Variants in RNF19A observed in about 807,000 individuals in gnomAD.
RNF19A encodes the protein E3 ubiquitin-protein ligase RNF19A.
A neutral mutation model predicts 75.7 loss-of-function variants in RNF19A; 32 were observed. The ratio of observed to expected loss-of-function variants is 0.42; its 90% CI spans 0.32 to 0.57. The LOEUF is 0.57. Ranked by LOEUF, RNF19A falls within the 20% of genes least tolerant of loss-of-function variation. The pLI is 0.10. For synonymous variants in RNF19A, 335 were observed against 345.2 expected (o/e 0.97, Z 0.33); for missense variants, 782 against 1,036.3 (o/e 0.75, Z 3.37).
chr8:100,259,971 T>G lies in RNF19A; in HGVS notation c.1709A>C (p.Lys570Thr). Reference protein sequence around the residue: ...NRLEVQADVQKERYSLSGESG... With the variant: ...NRLEVQADVQTERYSLSGESG... ...TTCTCCACTTAGACTGTACCGTTCT[T>G]TCTGTACATCTGCTTGTACTTCCAA... is the stretch of plus-strand genomic sequence containing the variant. Residue 570 changes from lysine (K) to threonine (T), a missense_variant, in exon 9 of 10, where the codon AAA becomes ACA. Coordinates refer to ENST00000341084, the MANE Select transcript of RNF19A (RefSeq NM_183419.4). This position sits in a 1 kb window ranked among gnomAD's most constrained non-coding sequence, Gnocchi z 4.5. 6.2e-7 allele frequency: 1 copy of G among 1,613,880 alleles called. No homozygotes were observed. Among genetic ancestry groups the G allele is most frequent in the Non-Finnish European group, 8.5e-7 (1 of 1,179,848 alleles).
Position 100,284,700 on chromosome 8 carries a change from T to G in RNF19A, c.674+2801A>C, listed in dbSNP as rs1820935790. On this transcript the variant is annotated intron_variant, in intron 2 of 9. Coordinates refer to ENST00000341084, the MANE Select transcript of RNF19A (RefSeq NM_183419.4). This position sits in a 1 kb window ranked among gnomAD's most constrained non-coding sequence, Gnocchi z 4.3. Reference sequence around the variant, plus strand: ...GCCATTTTACTTTTTAACAATGAAGTCTCAATGAGAAGAAAATGTGCCAAA... The same window carrying G: ...GCCATTTTACTTTTTAACAATGAAGGCTCAATGAGAAGAAAATGTGCCAAA... Among the ~76,000 whole-genome samples, 2 of 152,092 alleles carry G rather than the reference T, an allele frequency of 1.3e-5. No individual in the cohort carries two copies. The highest frequency in any genetic ancestry group is 1.5e-5 in the Non-Finnish European group (1 of 67,952).
Position 100,288,153 on chromosome 8 carries a change from A to C in RNF19A, c.22T>G (p.Phe8Val), listed in dbSNP as rs1821120091. The stretch of plus-strand genomic sequence containing the variant: ...AGCCCTTCATTATATTTAGAGATAA[A>C]ACCTATTTCTTGTTCTTGCATTCAC... MQEQEIGFISKYNEGLCV... is the reference protein window; with the variant it reads MQEQEIGVISKYNEGLCV... Residue 8 changes from phenylalanine (F) to valine (V), a missense_variant, in exon 2 of 10, where the codon TTT (phenylalanine) becomes GTT (valine). Coordinates refer to ENST00000341084, the MANE Select transcript of RNF19A (RefSeq NM_183419.4). 6.2e-7 allele frequency: 1 copy of C among 1,605,204 alleles called. No homozygotes were observed. The highest frequency in any genetic ancestry group is 1.3e-5 in the African/African-American group (1 of 74,598).
rs1482223423 is a variant in RNF19A at position 100,324,620 on chromosome 8, A to G, written c.-242-11248T>C. Among the ~76,000 whole-genome samples, 2 of 152,324 alleles carry G rather than the reference A, an allele frequency of 1.3e-5. No individual in the cohort carries two copies. Among genetic ancestry groups the G allele is most frequent in the African/African-American group, 4.8e-5 (2 of 41,582 alleles). On this transcript the variant is annotated intron_variant, in intron 1 of 3. Transcript: ENST00000519527. The surrounding 1 kb of genome is among the most constrained non-coding windows in gnomAD (Gnocchi z 4.2). ...GTTTTCTTTTAATTAGGCTTCTAACATACATTTGCATTGATTTTTCACAAA... is the reference window on the plus strand; with the variant it reads ...GTTTTCTTTTAATTAGGCTTCTAACGTACATTTGCATTGATTTTTCACAAA...
chr8:100,269,303 T>C lies in RNF19A; in HGVS notation c.1029-356A>G, dbSNP rs1024839917. On this transcript the variant is annotated intron_variant, in intron 4 of 9. Transcript: ENST00000341084. The surrounding 1 kb of genome is among the most constrained non-coding windows in gnomAD (Gnocchi z 5.7). Reference sequence around the variant, plus strand: ...CATGCATATTTTTAGGCATCAATTATCTGATTATATCACAAACTCACTCTG... The same window carrying C: ...CATGCATATTTTTAGGCATCAATTACCTGATTATATCACAAACTCACTCTG... Among the ~76,000 whole-genome samples, 1 of 152,068 alleles carries C rather than the reference T, an allele frequency of 6.6e-6. No individual in the cohort carries two copies. The highest frequency in any genetic ancestry group is 2.4e-5 in the African/African-American group (1 of 41,448).
chr8:100,265,062 G>A (rs999116068), intron 5 of RNF19A, among the ~76,000 whole-genome samples: 2 of 152,146 alleles, frequency 1.3e-5, no homozygotes, highest in Non-Finnish European at 2.9e-5. Context: ...ATCAAAAGTA[G>A]TGTAATTATG....
intron 1 of RNF19A, among the ~76,000 whole-genome samples, chr8:100,294,824 C>G (rs1368941593): frequency 6.6e-6 from 1 of 152,138 alleles, no homozygotes; most frequent in Admixed American, 6.5e-5. Context: ...AATATAACTG[C>G]TTACTAGACT....
intron 1 of RNF19A, among the ~76,000 whole-genome samples, chr8:100,290,228 C>T (rs1821226079): frequency 6.6e-6 from 1 of 152,108 alleles, no homozygotes; most frequent in Admixed American, 6.5e-5. Context: ...AATTCTCCTG[C>T]CTCAGCTGGG....
intron 1 of RNF19A, 69 bp from the exon 2 acceptor site, chr8:100,288,336 A>G: frequency 9.4e-7 from 1 of 1,064,768 alleles, no homozygotes; most frequent in East Asian, 3.0e-5. Flanking sequence ...TTTTATAAAT[A>G]TGAAATTTCA....
chr8:100,259,295 G>A lies in RNF19A; in HGVS notation c.1827-49C>T. 1 of 1,463,134 alleles carries A rather than the reference G, an allele frequency of 6.8e-7. No individual in the cohort carries two copies. Among genetic ancestry groups the A allele is most frequent in the Non-Finnish European group, 9.3e-7 (1 of 1,073,932 alleles). The allele number at this position is 1,463,134 out of a possible 1,614,324, so 90.6% of individuals were successfully genotyped here. On this transcript the variant is annotated intron_variant, in intron 9 of 9. Coordinates refer to ENST00000341084, the MANE Select transcript of RNF19A (RefSeq NM_183419.4). This position sits in a 1 kb window ranked among gnomAD's most constrained non-coding sequence, Gnocchi z 4.5. Reference sequence around the variant, plus strand: ...CAAACATAATTGCTGACTTCTTTTTGTTCAGATGACTGGGGGAAGGGTTTC... The same window carrying A: ...CAAACATAATTGCTGACTTCTTTTTATTCAGATGACTGGGGGAAGGGTTTC...
upstream of RNF19A, among the ~76,000 whole-genome samples, chr8:100,312,741 T>C (rs1822319975): frequency 1.3e-5 from 2 of 151,796 alleles, no homozygotes; most frequent in African/African-American, 4.8e-5. Flanking sequence ...CGGGACAACA[T>C]GATGAAACCT....
chr8:100,278,307 G>T (rs913687342), intron 2 of RNF19A, among the ~76,000 whole-genome samples: 5 of 151,994 alleles, frequency 3.3e-5, no homozygotes, highest in African/African-American at 1.2e-4. Context: ...TTCTACATAA[G>T]TAATATAAAT....
intron 1 of RNF19A, among the ~76,000 whole-genome samples, chr8:100,327,968 C>T (rs1173891439): frequency 6.6e-6 from 1 of 152,164 alleles, no homozygotes; most frequent in Non-Finnish European, 1.5e-5. Flanking sequence ...TCCTAGAAAA[C>T]AGGTAGGCTC....
At chr8:100,313,861 T>C (rs545118637), upstream of RNF19A, among the ~76,000 whole-genome samples, 6 of 151,018 alleles carry the variant, frequency 4.0e-5, no homozygotes, top group East Asian at 9.7e-4. Context: ...CATACTTGCA[T>C]GGAATGGAAT....
At chr8:100,273,781 TATC>T (rs1206376027) in intron 3 of RNF19A, among the ~76,000 whole-genome samples, 2 of 152,090 alleles carry the variant, frequency 1.3e-5, no homozygotes, top group Non-Finnish European at 2.9e-5. Context: ...ATTTTATTAT[TATC>T]ATCATTATTA....
chr8:100,263,989 A>T, intron 7 of RNF19A, 45 bp downstream of exon 7: 1 of 1,556,482 alleles, frequency 6.4e-7, no homozygotes, highest in Non-Finnish European at 8.8e-7. Context: ...CCCACTACTT[A>T]CACTGTTAAT....
At chr8:100,267,005 C>G (rs191521477) in intron 5 of RNF19A, among the ~76,000 whole-genome samples, 2 of 152,038 alleles carry the variant, frequency 1.3e-5, no homozygotes, top group Non-Finnish European at 1.5e-5. Context: ...TATTCCCAGT[C>G]GGGTCCCAGA....
intron 2 of RNF19A, among the ~76,000 whole-genome samples, chr8:100,282,733 T>C (rs190479433): frequency 2.2e-3 from 336 of 152,330 alleles, no homozygotes; most frequent in African/African-American, 7.5e-3. Flanking sequence ...TGTCAAAAGA[T>C]AGTCAAGGTA....
rs1819548246 is a variant in RNF19A at position 100,258,397 on chromosome 8, A to G, written c.*159T>C. The G allele has an allele frequency of 1.7e-6, 1 of 593,352 alleles. No individual in the cohort carries two copies. The highest frequency in any genetic ancestry group is 2.9e-6 in the Non-Finnish European group (1 of 341,986). The allele number at this position is 593,352 out of a possible 1,614,324, so 36.8% of individuals were successfully genotyped here. On this transcript the variant is annotated 3_prime_UTR_variant, in exon 10 of 10. Transcript: ENST00000341084. The surrounding 1 kb of genome is among the most constrained non-coding windows in gnomAD (Gnocchi z 4.3). ...CTTCATAGTTTGGTAACTAAGATCC[A>G]CATGACACACAATGCCTTGCTGAAC...
rs372756717 is a variant in RNF19A at position 100,323,112 on chromosome 8, CA to C, written c.-242-9741del. Among the ~76,000 whole-genome samples the C allele has an allele frequency of 2.0e-5, 3 of 151,290 alleles. No individual in the cohort carries two copies. Among genetic ancestry groups the C allele is most frequent in the African/African-American group, 2.4e-5 (1 of 41,150 alleles). ...CCATTTGTAAACAAAAACAAAAAAA[CA>C]AAAAAAACTGTGAAGTGCAATAAAG... On this transcript the variant is annotated intron_variant, in intron 1 of 3. Transcript: ENST00000519527. The surrounding 1 kb of genome is among the most constrained non-coding windows in gnomAD (Gnocchi z 4.6).
Sources: gnomAD v4.1 joint callset for allele counts (sites outside exome capture counted in the v4.1 genomes callset) on GRCh38, gnomAD v4.1.1 for gene constraint, Gnocchi (gnomAD v3.1) non-coding constraint, MANE v1.5 for transcripts, NCBI Gene and HGNC (gene_info 2026-07-23, HGNC 2026-07-21) for gene names.